PPFIA2: variants seen among roughly 807,000 people sequenced by gnomAD.
The protein encoded by PPFIA2 is liprin-alpha-2.
A neutral mutation model predicts 175.5 loss-of-function variants in PPFIA2; 46 were observed. The ratio of observed to expected loss-of-function variants is 0.26; its 90% CI spans 0.21 to 0.34. The LOEUF (loss-of-function observed/expected upper bound fraction) is 0.34. Among genes scored for constraint, PPFIA2 ranks in the 10% least tolerant of loss-of-function variants. The probability of loss-of-function intolerance (pLI) is 1.00; values close to 1 mark genes in which losing one functional copy is unlikely to be tolerated. For missense variants in PPFIA2, 1,179 were observed against 1,506.1 expected (o/e 0.78, Z 3.60); for synonymous variants, 568 against 511.4 (o/e 1.11, Z -1.49).
intron 22 of PPFIA2, among the ~76,000 whole-genome samples, chr12:81,321,900 T>C (rs929108361): frequency 1.3e-5 from 2 of 152,212 alleles, no homozygotes; most frequent in East Asian, 1.9e-4. Context: ...TACAGTGTAA[T>C]TGTAGCTCAC....
chr12:81,736,102 A>G (rs1324193826), intron 3 of PPFIA2, among the ~76,000 whole-genome samples: 1 of 151,978 alleles, frequency 6.6e-6, no homozygotes, highest in Non-Finnish European at 1.5e-5. Context: ...CTTCCTGTAT[A>G]AAAGGCTGCT....
chr12:81,435,562 G>A (rs1012050705), intron 7 of PPFIA2, among the ~76,000 whole-genome samples: 2 of 152,032 alleles, frequency 1.3e-5, no homozygotes, highest in African/African-American at 4.8e-5. Context: ...AGTGGTGGTG[G>A]TGGGAGGAGG....
intron 4 of PPFIA2, among the ~76,000 whole-genome samples, chr12:81,670,229 G>A (rs2071154281): frequency 6.6e-6 from 1 of 151,860 alleles, no homozygotes; most frequent in African/African-American, 2.4e-5. Flanking sequence ...TCAAGGGAGT[G>A]ATCTAACCTG....
At chr12:81,325,719 A>T (rs900714369) in intron 22 of PPFIA2, 58 bp downstream of exon 22, 2 of 1,222,922 alleles carry the variant, frequency 1.6e-6, no homozygotes, top group Non-Finnish European at 2.4e-6. Context: ...AATTCCCTAT[A>T]AATAATAATA....
At chr12:81,435,767 A>C (rs189083900) in intron 7 of PPFIA2, among the ~76,000 whole-genome samples, 144 of 150,690 alleles carry the variant, frequency 9.6e-4, no homozygotes, top group African/African-American at 3.4e-3. Flanking sequence ...TCTTCTCTTA[A>C]TTATCCGTTC....
intron 5 of PPFIA2, among the ~76,000 whole-genome samples, chr12:81,448,006 T>A (rs547498285): frequency 1.3e-5 from 2 of 152,304 alleles, no homozygotes; most frequent in South Asian, 4.1e-4. Flanking sequence ...GAAAACTGTT[T>A]TTTTTTCTAA....
intron 3 of PPFIA2, among the ~76,000 whole-genome samples, chr12:81,712,373 G>C (rs1467890500): frequency 6.6e-6 from 1 of 151,290 alleles, no homozygotes; most frequent in Admixed American, 6.7e-5. Flanking sequence ...GTTCCAAAGA[G>C]AACCTCACAA....
chr12:81,665,299 A>G (rs1388342805), intron 4 of PPFIA2, among the ~76,000 whole-genome samples: 3 of 152,094 alleles, frequency 2.0e-5, no homozygotes, highest in Non-Finnish European at 4.4e-5. Context: ...ACAGCAAAAA[A>G]TTATTTCTAA....
At chr12:81,608,558 T>C (rs1022534896) in intron 4 of PPFIA2, among the ~76,000 whole-genome samples, 2 of 152,092 alleles carry the variant, frequency 1.3e-5, no homozygotes, top group Non-Finnish European at 2.9e-5. Context: ...CTATTTCTTC[T>C]AGATTTTAAA....
At chr12:81,327,011 G>A (rs2054926816) in intron 21 of PPFIA2, among the ~76,000 whole-genome samples, 1 of 151,944 alleles carries the variant, frequency 6.6e-6, no homozygotes, top group African/African-American at 2.4e-5. Context: ...TTTCTCTTTA[G>A]CAAAGTAAAA....
chr12:81,329,556 A>G (rs1271643857), intron 21 of PPFIA2, among the ~76,000 whole-genome samples: 5 of 152,114 alleles, frequency 3.3e-5, no homozygotes, highest in African/African-American at 1.2e-4. Flanking sequence ...TACTGATTCA[A>G]TCTCATACAA....
chr12:81,612,050 C>T (rs2060976942), intron 4 of PPFIA2, among the ~76,000 whole-genome samples: 1 of 152,040 alleles, frequency 6.6e-6, no homozygotes, highest in South Asian at 2.1e-4. Context: ...GTCACATCTC[C>T]ATCCACTATC....
intron 9 of PPFIA2, among the ~76,000 whole-genome samples, chr12:81,383,804 G>A (rs2141993457): frequency 6.6e-6 from 1 of 152,180 alleles, no homozygotes; most frequent in Non-Finnish European, 1.5e-5. Flanking sequence ...TCTGACCCTT[G>A]ATAGCACAAA....
At chr12:81,588,087 T>A (rs2075540256) in intron 4 of PPFIA2, among the ~76,000 whole-genome samples, 1 of 151,922 alleles carries the variant, frequency 6.6e-6, no homozygotes, top group African/African-American at 2.4e-5. Flanking sequence ...GGTAGTATAA[T>A]AATGCAATAC....
At chr12:81,432,524 G>A (rs957212364) in intron 7 of PPFIA2, among the ~76,000 whole-genome samples, 1 of 149,132 alleles carries the variant, frequency 6.7e-6, no homozygotes, top group Non-Finnish European at 1.5e-5. Context: ...GGAGTGCAGT[G>A]GCGTGATCTT....
At chr12:81,344,758 G>T in intron 18 of PPFIA2, 65 bp from the exon 19 acceptor site, 1 of 1,247,978 alleles carries the variant, frequency 8.0e-7, no homozygotes, top group Non-Finnish European at 1.1e-6. Flanking sequence ...ATTTGACCAA[G>T]TTACAATTTT....
At chr12:81,412,386 A>T (rs1207941840) in intron 7 of PPFIA2, among the ~76,000 whole-genome samples, 1 of 150,894 alleles carries the variant, frequency 6.6e-6, no homozygotes, top group African/African-American at 2.4e-5. Context: ...ACAAAATAGC[A>T]ATTATTTATT....
At chr12:81,716,320 G>T (rs893213965) in intron 3 of PPFIA2, among the ~76,000 whole-genome samples, 2 of 151,778 alleles carry the variant, frequency 1.3e-5, no homozygotes, top group African/African-American at 4.8e-5. Flanking sequence ...ATGAGTTGTA[G>T]TTTGTGTTGC....
intron 4 of PPFIA2, among the ~76,000 whole-genome samples, chr12:81,669,617 G>A (rs753370565): frequency 3.9e-5 from 6 of 151,936 alleles, no homozygotes; most frequent in Admixed American, 6.6e-5. Flanking sequence ...TAAAGAAAGT[G>A]AGGCAGTAAG....
Sources: allele counts gnomAD v4.1 joint callset (sites outside exome capture counted in the v4.1 genomes callset), GRCh38; gene constraint gnomAD v4.1.1; transcripts MANE v1.5; gene names NCBI Gene and HGNC (gene_info 2026-07-23, HGNC 2026-07-21).